JAM3: variants seen among roughly 807,000 people sequenced by gnomAD.
JAM3 encodes junctional adhesion molecule 3.
Under a neutral mutation model 39.4 loss-of-function variants are expected in JAM3, and 31 were observed. That is an observed-to-expected ratio of 0.79 (90% confidence interval 0.59 to 1.06). The LOEUF (loss-of-function observed/expected upper bound fraction) is 1.06, where lower values mean the gene tolerates loss of function less well. Ranked by LOEUF, JAM3 falls within the 50% of genes least tolerant of loss-of-function variation. JAM3 has a pLI of 0.00. For synonymous variants in JAM3, 182 were observed against 148.7 expected (o/e 1.22, Z -1.63); for missense variants, 455 against 391.4 (o/e 1.16, Z -1.37).
intron 1 of JAM3, among the ~76,000 whole-genome samples, chr11:134,084,549 C>G (rs1403247366): frequency 1.3e-5 from 2 of 152,100 alleles, no homozygotes; most frequent in Admixed American, 6.6e-5. Context: ...AGCAGAGTAC[C>G]TGTCATAGTA....
At chr11:134,099,207 T>G (rs470434) in intron 1 of JAM3, among the ~76,000 whole-genome samples, 60,273 of 151,578 alleles carry the variant, frequency 0.4, 13,019 homozygotes, top group African/African-American at 0.58. Flanking sequence ...TTTCAAAAAA[T>G]AAAAATAAAA....
chr11:134,138,543 G>T (rs1405089161), intron 1 of JAM3, among the ~76,000 whole-genome samples: 1 of 152,244 alleles, frequency 6.6e-6, no homozygotes, highest in African/African-American at 2.4e-5. Context: ...TGTGGCCTTG[G>T]TAGAGACTCG....
chr11:134,081,992 G>A (rs1180072641), intron 1 of JAM3, among the ~76,000 whole-genome samples: 3 of 152,250 alleles, frequency 2.0e-5, no homozygotes, highest in East Asian at 1.9e-4. Flanking sequence ...TCATTTTGGA[G>A]CTTTAAGATT....
intron 1 of JAM3, among the ~76,000 whole-genome samples, chr11:134,090,881 A>G (rs1053102361): frequency 6.6e-6 from 1 of 152,256 alleles, no homozygotes; most frequent in Non-Finnish European, 1.5e-5. Flanking sequence ...ACAATATGAA[A>G]GAATTTCAAG....
At chr11:134,147,516 T>C (rs1394145792) in intron 6 of JAM3, among the ~76,000 whole-genome samples, 1 of 147,308 alleles carries the variant, frequency 6.8e-6, no homozygotes, top group Non-Finnish European at 1.5e-5. Context: ...AGATGGAGTC[T>C]CGCTCTGTCA....
intron 1 of JAM3, among the ~76,000 whole-genome samples, chr11:134,089,643 A>C (rs1048231098): frequency 1.3e-5 from 2 of 152,102 alleles, no homozygotes; most frequent in African/African-American, 4.8e-5. Flanking sequence ...TGAACTCATC[A>C]TTTTTTATGG....
chr11:134,106,865 C>T (rs982506354), intron 1 of JAM3, among the ~76,000 whole-genome samples: 1 of 152,160 alleles, frequency 6.6e-6, no homozygotes, highest in East Asian at 1.9e-4. Context: ...GAAACAGGAA[C>T]ACTTTTACAC....
At chr11:134,133,192 G>A (rs915651075) in intron 1 of JAM3, among the ~76,000 whole-genome samples, 2 of 151,298 alleles carry the variant, frequency 1.3e-5, no homozygotes, top group African/African-American at 2.4e-5. Flanking sequence ...TTTTTGGTGT[G>A]TGGAATATGT....
intron 1 of JAM3, among the ~76,000 whole-genome samples, chr11:134,136,420 C>G (rs1390349569): frequency 6.6e-6 from 1 of 152,166 alleles, no homozygotes; most frequent in Non-Finnish European, 1.5e-5. Flanking sequence ...AGATTTGTGC[C>G]TTCCAATCCT....
chr11:134,102,580 A>G (rs890522529), intron 1 of JAM3, among the ~76,000 whole-genome samples: 1 of 150,874 alleles, frequency 6.6e-6, no homozygotes. Flanking sequence ...TAAAGGAGGA[A>G]GTTCGAACCC....
chr11:134,077,564 A>T (rs903719995), intron 1 of JAM3, among the ~76,000 whole-genome samples: 1 of 147,712 alleles, frequency 6.8e-6, no homozygotes, highest in Non-Finnish European at 1.5e-5. Flanking sequence ...GGGTTTCTCC[A>T]TGTTGGCCAA....
intron 1 of JAM3, among the ~76,000 whole-genome samples, chr11:134,128,985 G>A (rs1054223513): frequency 2.6e-5 from 4 of 152,126 alleles, no homozygotes; most frequent in Non-Finnish European, 4.4e-5. Context: ...ACTGCAGGCT[G>A]GGAAGTCCAA....
At chr11:134,119,224 C>T (rs892630427) in intron 1 of JAM3, among the ~76,000 whole-genome samples, 1 of 152,050 alleles carries the variant, frequency 6.6e-6, no homozygotes, top group African/African-American at 2.4e-5. Flanking sequence ...GCACGACTGG[C>T]AAGAAGTCTT....
chr11:134,101,421 T>C (rs1942071115), intron 1 of JAM3, among the ~76,000 whole-genome samples: 1 of 152,030 alleles, frequency 6.6e-6, no homozygotes, highest in South Asian at 2.1e-4. Flanking sequence ...AGCAAAGAAG[T>C]GAGATGAGAA....
chr11:134,093,042 C>T (rs569784049), intron 1 of JAM3, among the ~76,000 whole-genome samples: 16 of 139,472 alleles, frequency 1.1e-4, no homozygotes, highest in South Asian at 2.4e-4. Flanking sequence ...CTCCTGAACC[C>T]TCCTTATTCA....
At chr11:134,107,116 A>C (rs1399921176) in intron 1 of JAM3, among the ~76,000 whole-genome samples, 1 of 152,228 alleles carries the variant, frequency 6.6e-6, no homozygotes, top group Non-Finnish European at 1.5e-5. Context: ...GATTAAGAAA[A>C]TGTGGCACAT....
intron 1 of JAM3, among the ~76,000 whole-genome samples, chr11:134,091,509 G>A (rs1459771587): frequency 6.8e-6 from 1 of 146,262 alleles, no homozygotes; most frequent in Non-Finnish European, 1.5e-5. Flanking sequence ...TAAATAAATA[G>A]ATAGATAGAT....
Position 134,132,255 on chromosome 11 carries a change from A to G in JAM3, c.77-7596A>G, listed in dbSNP as rs539489164. On this transcript the variant is annotated intron_variant, in intron 1 of 8. Coordinates refer to ENST00000299106, the MANE Select transcript of JAM3 (RefSeq NM_032801.5). ...ATTTTTACCAGAAACCTTGGAGGCC[A>G]GAAGGAAGTGGGGTGATATATTTAA... Among the ~76,000 whole-genome samples, 4 of 152,332 alleles carry G rather than the reference A, an allele frequency of 2.6e-5. No individual in the cohort carries two copies. In the South Asian group the frequency reaches 6.2e-4, roughly 24 times the overall value.
rs527743317 is a variant in JAM3, at chr11:134,083,855, G to A, written c.76+14696G>A. 1.5e-4 allele frequency among the ~76,000 whole-genome samples: 23 copies of A among 152,262 alleles called. 1 individual carries two copies. In the South Asian group the frequency reaches 4.6e-3, roughly 30 times the overall value. ...TCACCTTACCATCATGGCAGAAATC[G>A]CTGGATTTGGCTTTCCAGGTGACAG... is the stretch of plus-strand genomic sequence containing the variant. On this transcript the variant is annotated intron_variant, in intron 1 of 8. Transcript: ENST00000299106.
Sources: gnomAD v4.1 joint callset for allele counts (sites outside exome capture counted in the v4.1 genomes callset) on GRCh38, gnomAD v4.1.1 for gene constraint, MANE v1.5 for transcripts, NCBI Gene and HGNC (gene_info 2026-07-23, HGNC 2026-07-21) for gene names.